The following MEMO1 variants were observed in gnomAD, a reference collection of about 807,000 sequenced individuals.
MEMO1 encodes the protein protein MEMO1.
A neutral mutation model predicts 45.2 loss-of-function variants in MEMO1; 6 were observed. The ratio of observed to expected loss-of-function variants is 0.13; its 90% CI spans 0.07 to 0.26. The LOEUF (loss-of-function observed/expected upper bound fraction) is 0.26, where lower values mean the gene tolerates loss of function less well. Among genes scored for constraint, MEMO1 ranks in the 10% least tolerant of loss-of-function variants. The pLI, the probability that MEMO1 is intolerant of heterozygous loss-of-function variation, is 1.00. For synonymous variants in MEMO1, 78 were observed against 124.3 expected, an observed-to-expected ratio of 0.63 and a Z score of 2.48; for missense variants, 184 against 370.5, an observed-to-expected ratio of 0.50 and a Z score of 4.13.
intron 4 of MEMO1, among the ~76,000 whole-genome samples, chr2:31,923,008 C>A (rs1355476588): frequency 6.6e-6 from 1 of 152,000 alleles, no homozygotes; most frequent in Admixed American, 6.6e-5. Flanking sequence ...GACTGCGGGG[C>A]CCAGAGTTAC....
intron 6 of MEMO1, among the ~76,000 whole-genome samples, chr2:31,912,910 G>C (rs1332823687): frequency 6.6e-6 from 1 of 152,142 alleles, no homozygotes; most frequent in Admixed American, 6.5e-5. Context: ...CAATGAGATT[G>C]TAAGTCATTT....
chr2:31,906,764 T>C lies in MEMO1; in HGVS notation c.437+11162A>G, dbSNP rs1050014125. Among the ~76,000 whole-genome samples the C allele has an allele frequency of 3.3e-5, 5 of 152,172 alleles. No individual in the cohort carries two copies. The South Asian group carries it at 6.2e-4, about 19-fold the overall frequency. ...CCTCCATAATCTGGTTCCAATCTAT[T>C]TTCCAGTTCTCTAATTCTGCCCCTC... On this transcript the variant is annotated intron_variant, in intron 6 of 9. Coordinates refer to ENST00000404530, the MANE Select transcript of MEMO1 (RefSeq NM_001301833.4).
chr2:31,994,504 T>C (rs75440961), intron 2 of MEMO1, among the ~76,000 whole-genome samples: 43,927 of 150,974 alleles, frequency 0.29, 6,671 homozygotes, highest in East Asian at 0.56. Flanking sequence ...GTGGTGCGTG[T>C]CTGCAGTCCC....
chr2:31,976,032 A>AG (rs1257663713), intron 2 of MEMO1, among the ~76,000 whole-genome samples: 2 of 152,180 alleles, frequency 1.3e-5, no homozygotes, highest in East Asian at 3.9e-4. Context: ...CTGGGATTCC[A>AG]GATGTGCACC....
Position 31,913,998 on chromosome 2 carries a change from T to A in MEMO1, c.437+3928A>T, listed in dbSNP as rs1681037348. On this transcript the variant is annotated intron_variant, in intron 6 of 9. Coordinates refer to ENST00000404530, the MANE Select transcript of MEMO1 (RefSeq NM_001301833.4). ...TAAGAGGGCTGGAAATTTCTACTTT[T>A]GCTCAATTGCTATCCTGCTAGAGAG... is the stretch of plus-strand genomic sequence containing the variant. Among the ~76,000 whole-genome samples the A allele has an allele frequency of 2.0e-5, 3 of 152,184 alleles. No homozygotes were observed. In the South Asian group the frequency reaches 6.2e-4, roughly 31 times the overall value.
At chr2:31,943,261 T>G (rs1286862655) in intron 3 of MEMO1, 41 bp downstream of exon 3, 1 of 1,492,412 alleles carries the variant, frequency 6.7e-7, no homozygotes. Context: ...GGAGACTCCT[T>G]CTCAAAAAAC....
chr2:31,888,295 C>G (rs986807780), intron 7 of MEMO1, among the ~76,000 whole-genome samples: 3 of 152,044 alleles, frequency 2.0e-5, no homozygotes, highest in African/African-American at 7.2e-5. Flanking sequence ...ACTACCATAC[C>G]CGGTTCATAA....
At chr2:31,927,848 G>C (rs1016341883) in intron 4 of MEMO1, among the ~76,000 whole-genome samples, 25 of 152,176 alleles carry the variant, frequency 1.6e-4, no homozygotes, top group African/African-American at 5.5e-4. Context: ...TAAGTTAAGG[G>C]TTCCTGAAAC....
At chr2:31,991,409 T>C (rs2148547177) in intron 2 of MEMO1, among the ~76,000 whole-genome samples, 1 of 152,096 alleles carries the variant, frequency 6.6e-6, no homozygotes, top group Non-Finnish European at 1.5e-5. Flanking sequence ...CCGTCTCTAC[T>C]AAAAATACAA....
chr2:31,953,454 A>ATTTT (rs148325193), intron 2 of MEMO1, among the ~76,000 whole-genome samples: 6 of 143,934 alleles, frequency 4.2e-5, no homozygotes, highest in Non-Finnish European at 6.0e-5. Flanking sequence ...CTTTCATAAG[A>ATTTT]TTTTTTTTTT....
chr2:31,963,021 C>A, intron 2 of MEMO1: 2 of 1,177,822 alleles, frequency 1.7e-6, no homozygotes, highest in Non-Finnish European at 1.1e-6. Context: ...ACTAAGCCTT[C>A]AAGCAACAAC....
intron 2 of MEMO1, among the ~76,000 whole-genome samples, chr2:31,966,374 A>G (rs1200014969): frequency 6.6e-6 from 1 of 152,216 alleles, no homozygotes; most frequent in African/African-American, 2.4e-5. Context: ...AGTTTGAAGC[A>G]GACACCTTTC....
chr2:31,940,487 A>G (rs921613762), intron 3 of MEMO1, among the ~76,000 whole-genome samples: 2 of 152,208 alleles, frequency 1.3e-5, no homozygotes, highest in Non-Finnish European at 1.5e-5. Flanking sequence ...CCATCCTTCT[A>G]GTTTCACAGG....
At chr2:31,910,579 A>G (rs553486523) in intron 6 of MEMO1, among the ~76,000 whole-genome samples, 64 of 152,306 alleles carry the variant, frequency 4.2e-4, no homozygotes, top group Non-Finnish European at 8.2e-4. Flanking sequence ...GAAAGTTGTT[A>G]GCCGGGTGCA....
chr2:32,005,941 C>T (rs1482766290), intron 2 of MEMO1, among the ~76,000 whole-genome samples: 2 of 152,104 alleles, frequency 1.3e-5, no homozygotes, highest in Non-Finnish European at 2.9e-5. Flanking sequence ...GGTGTTAACA[C>T]TTGAGTCTTC....
intron 2 of MEMO1, among the ~76,000 whole-genome samples, chr2:31,977,358 T>C (rs1160358022): frequency 6.6e-6 from 1 of 152,214 alleles, no homozygotes; most frequent in African/African-American, 2.4e-5. Context: ...AGAGTAACAT[T>C]CAATCATGTG....
chr2:31,887,208 C>T (rs1226972175), intron 7 of MEMO1, among the ~76,000 whole-genome samples: 1 of 152,110 alleles, frequency 6.6e-6, no homozygotes, highest in Non-Finnish European at 1.5e-5. Flanking sequence ...ACACAACAAT[C>T]AACTAATGAG....
At chr2:31,959,278 G>A (rs371577606) in intron 2 of MEMO1, among the ~76,000 whole-genome samples, 5 of 152,146 alleles carry the variant, frequency 3.3e-5, no homozygotes, top group African/African-American at 9.7e-5. Context: ...CCATCTGAAC[G>A]TGGACTGACT....
In MEMO1 at chr2:31,972,630, G is replaced by A. The variant is rs149297357; in HGVS notation, c.62-29247C>T. Among the ~76,000 whole-genome samples the A allele has an allele frequency of 8.2e-3, 1,249 of 152,238 alleles. 18 individuals carry two copies. The highest frequency in any genetic ancestry group is 0.012 in the Non-Finnish European group (841 of 68,014). On this transcript the variant is annotated intron_variant, in intron 2 of 9. Coordinates refer to ENST00000404530, the MANE Select transcript of MEMO1 (RefSeq NM_001301833.4). ...GGAGGCTGAGACAGGAGAATTGCTT[G>A]AGCCCAGGAGATGGAGGTTGCAGTG...
Sources: gnomAD v4.1 joint callset for allele counts (sites outside exome capture counted in the v4.1 genomes callset) on GRCh38, gnomAD v4.1.1 for gene constraint, MANE v1.5 for transcripts, NCBI Gene and HGNC (gene_info 2026-07-23, HGNC 2026-07-21) for gene names.